The following BMPR1B variants were observed in gnomAD, a reference collection of about 807,000 sequenced individuals.
BMPR1B encodes the protein bone morphogenetic protein receptor type-1B.
A neutral mutation model predicts 59.1 loss-of-function variants in BMPR1B; 12 were observed. The observed-to-expected ratio is 0.20, with a 90% CI of 0.13 to 0.33. The LOEUF (loss-of-function observed/expected upper bound fraction) is 0.33. BMPR1B is among the 10% of genes least tolerant of loss of function. The pLI, the probability that BMPR1B is intolerant of heterozygous loss-of-function variation, is 1.00. For missense variants in BMPR1B, 550 were observed against 610.9 expected, an observed-to-expected ratio of 0.90 and a Z score of 1.05; for synonymous variants, 237 against 207.3, an observed-to-expected ratio of 1.14 and a Z score of -1.23.
At chr4:94,840,817 C>A (rs912239705) in intron 1 of BMPR1B, among the ~76,000 whole-genome samples, 3 of 148,582 alleles carry the variant, frequency 2.0e-5, no homozygotes, top group African/African-American at 7.5e-5. Context: ...GAACTGCGTT[C>A]CTTTGGAGGA....
chr4:95,111,827 A>G (rs990451626), intron 4 of BMPR1B, among the ~76,000 whole-genome samples: 3 of 152,108 alleles, frequency 2.0e-5, no homozygotes, highest in Admixed American at 2.0e-4. Flanking sequence ...TCATCCAAGA[A>G]TTGTAACAAA....
chr4:94,884,137 G>C (rs1363714574), intron 2 of BMPR1B, among the ~76,000 whole-genome samples: 1 of 152,186 alleles, frequency 6.6e-6, no homozygotes, highest in African/African-American at 2.4e-5. Context: ...CAAAAGTAAT[G>C]ATCTAACTTC....
At chr4:94,941,086 A>G (rs1729492028) in intron 2 of BMPR1B, among the ~76,000 whole-genome samples, 1 of 152,184 alleles carries the variant, frequency 6.6e-6, no homozygotes, top group African/African-American at 2.4e-5. Context: ...TGTGCCTTCT[A>G]CAATTTAGTT....
intron 1 of BMPR1B, among the ~76,000 whole-genome samples, chr4:94,846,797 T>C (rs961332852): frequency 2.7e-5 from 4 of 150,776 alleles, no homozygotes; most frequent in Non-Finnish European, 5.9e-5. Context: ...GAACATCAAA[T>C]CAAAATAGAT....
chr4:95,003,682 C>A (rs1228688956), intron 3 of BMPR1B, among the ~76,000 whole-genome samples: 3 of 151,302 alleles, frequency 2.0e-5, no homozygotes, highest in African/African-American at 7.3e-5. Context: ...TGACTTATTT[C>A]TATTTCCTCT....
At chr4:94,868,013 C>T (rs979734673) in intron 1 of BMPR1B, among the ~76,000 whole-genome samples, 5 of 136,742 alleles carry the variant, frequency 3.7e-5, no homozygotes, top group African/African-American at 1.4e-4. Flanking sequence ...GCCTGTGCCC[C>T]GCTAATTTTT....
At chr4:95,142,813 C>CTTTT (rs11385949) in intron 10 of BMPR1B, among the ~76,000 whole-genome samples, 1 of 140,698 alleles carries the variant, frequency 7.1e-6, no homozygotes, top group Non-Finnish European at 1.5e-5. Flanking sequence ...AGTTGGGGCT[C>CTTTT]TTTTTTTTTT....
chr4:94,938,797 G>A (rs1275274576), intron 2 of BMPR1B, among the ~76,000 whole-genome samples: 1 of 152,150 alleles, frequency 6.6e-6, no homozygotes, highest in Non-Finnish European at 1.5e-5. Flanking sequence ...CCTTCCTTAA[G>A]ATCCCAGATA....
At chr4:95,085,291 G>A (rs747167066) in intron 3 of BMPR1B, among the ~76,000 whole-genome samples, 3 of 152,116 alleles carry the variant, frequency 2.0e-5, no homozygotes, top group Admixed American at 6.6e-5. Flanking sequence ...ATGGCAGGTC[G>A]CTCCCCTGAG....
intron 3 of BMPR1B, among the ~76,000 whole-genome samples, chr4:95,026,983 C>G (rs1350199654): frequency 1.3e-5 from 2 of 151,546 alleles, no homozygotes; most frequent in East Asian, 3.9e-4. Context: ...CTAGGTGGTC[C>G]CAAACTCCTG....
intron 3 of BMPR1B, among the ~76,000 whole-genome samples, chr4:95,026,710 T>TCCTGC (rs1269144415): frequency 9.1e-6 from 1 of 110,160 alleles, no homozygotes; most frequent in Admixed American, 1.0e-4. Context: ...CCCTCCCCTG[T>TCCTGC]CCTGCCCTGC....
At chr4:94,773,396 C>T (rs1722255644) in intron 1 of BMPR1B, among the ~76,000 whole-genome samples, 1 of 151,968 alleles carries the variant, frequency 6.6e-6, no homozygotes, top group Admixed American at 6.6e-5. Flanking sequence ...CCTTCTAAAC[C>T]TTTCAGCTCT....
chr4:94,848,138 G>T (rs1000096861), intron 1 of BMPR1B, among the ~76,000 whole-genome samples: 2 of 152,150 alleles, frequency 1.3e-5, no homozygotes, highest in Admixed American at 6.5e-5. Flanking sequence ...TGTAGTATTG[G>T]TAAGTAAATG....
At chr4:95,133,012 T>C (rs1001141799) in intron 10 of BMPR1B, among the ~76,000 whole-genome samples, 20 of 152,190 alleles carry the variant, frequency 1.3e-4, no homozygotes, top group Admixed American at 1.1e-3. Context: ...GACTGCTAGA[T>C]TTCCTGCTGT....
chr4:95,122,783 A>G (rs889125156), intron 6 of BMPR1B, among the ~76,000 whole-genome samples: 2 of 152,204 alleles, frequency 1.3e-5, no homozygotes, highest in African/African-American at 4.8e-5. Context: ...CAAAATATTT[A>G]GGTGGCCATA....
intron 1 of BMPR1B, among the ~76,000 whole-genome samples, chr4:94,771,863 G>C (rs1722199603): frequency 6.6e-6 from 1 of 152,160 alleles, no homozygotes; most frequent in Non-Finnish European, 1.5e-5. Context: ...TTTGAAATCA[G>C]TTGATAATGT....
At chr4:94,860,855 C>G (rs1725950970) in intron 1 of BMPR1B, among the ~76,000 whole-genome samples, 2 of 150,374 alleles carry the variant, frequency 1.3e-5, no homozygotes, top group East Asian at 3.8e-4. Context: ...CTTTCTCTTT[C>G]ACGAGATCCC....
At chr4:94,796,717 C>G (rs979076061) in intron 1 of BMPR1B, among the ~76,000 whole-genome samples, 1 of 151,960 alleles carries the variant, frequency 6.6e-6, no homozygotes, top group African/African-American at 2.4e-5. Context: ...GCCTATGTGT[C>G]TTTGCTGAGC....
intron 2 of BMPR1B, among the ~76,000 whole-genome samples, chr4:94,976,717 A>G (rs1032901929): frequency 1.2e-4 from 19 of 152,174 alleles, no homozygotes; most frequent in Non-Finnish European, 2.4e-4. Context: ...TAAACATTCA[A>G]TGGTGGGGCA....
Sources: allele counts gnomAD v4.1 joint callset (sites outside exome capture counted in the v4.1 genomes callset), GRCh38; gene constraint gnomAD v4.1.1; transcripts MANE v1.5; gene names NCBI Gene and HGNC (gene_info 2026-07-23, HGNC 2026-07-21).